The following NCOA7 variants were observed in gnomAD, a reference collection of about 807,000 sequenced individuals.
NCOA7 encodes the protein 140 kDa estrogen receptor-associated protein.
A neutral mutation model predicts 104.3 loss-of-function variants in NCOA7; 45 were observed. That is an observed-to-expected ratio of 0.43 (90% CI 0.34 to 0.55). NCOA7 has a LOEUF of 0.55. Ranked by LOEUF, NCOA7 falls within the 20% of genes least tolerant of loss-of-function variation. The pLI is 0.02. For missense variants in NCOA7, 1,041 were observed against 1,119.7 expected (o/e 0.93, Z 1.00); for synonymous variants, 398 against 402.3 (o/e 0.99, Z 0.13).
chr6:125,849,863 C>T (rs528462036), intron 2 of NCOA7, among the ~76,000 whole-genome samples: 1 of 152,096 alleles, frequency 6.6e-6, no homozygotes, highest in Non-Finnish European at 1.5e-5. Context: ...CATTATTTTT[C>T]AGTCACTCAT....
chr6:125,804,110 A>C (rs1776184797), intron 1 of NCOA7, among the ~76,000 whole-genome samples: 1 of 152,212 alleles, frequency 6.6e-6, no homozygotes, highest in African/African-American at 2.4e-5. Flanking sequence ...GTTCTGTACC[A>C]GTCTAGAGAC....
chr6:125,904,430 G>A (rs978138394), intron 10 of NCOA7, among the ~76,000 whole-genome samples: 2 of 152,104 alleles, frequency 1.3e-5, no homozygotes, highest in African/African-American at 4.8e-5. Flanking sequence ...GTGATCTGAT[G>A]GCATTGTCCT....
chr6:125,839,234 C>T (rs760752867), intron 2 of NCOA7, among the ~76,000 whole-genome samples: 7 of 152,182 alleles, frequency 4.6e-5, no homozygotes, highest in Non-Finnish European at 1.0e-4. Context: ...TCTCCTGCCT[C>T]AGCCTCCCAA....
chr6:125,890,757 G>A lies in NCOA7; in HGVS notation c.2043G>A (p.Gln681=). The A allele has an allele frequency of 6.2e-7, 1 of 1,613,422 alleles. No individual in the cohort carries two copies. The highest frequency in any genetic ancestry group is 8.5e-7 in the Non-Finnish European group (1 of 1,179,714). Residue 681 remains glutamine, a synonymous_variant, in exon 10 of 16, where the codon CAG becomes CAA. Coordinates refer to ENST00000392477, the MANE Select transcript of NCOA7 (RefSeq NM_181782.5). ...FATHTAAMVQ[Q]YGKRRKQPEY... is the part of the protein sequence containing the mutation. ...CTCACACTGCAGCCATGGTCCAGCAGTACGGCAAACGGAGAAAGCAGCCAG... is the reference window on the plus strand; with the variant it reads ...CTCACACTGCAGCCATGGTCCAGCAATACGGCAAACGGAGAAAGCAGCCAG...
intron 10 of NCOA7, among the ~76,000 whole-genome samples, chr6:125,904,821 G>A (rs1785825153): frequency 6.6e-6 from 1 of 152,174 alleles, no homozygotes; most frequent in South Asian, 2.1e-4. Context: ...AGGCAGTTAG[G>A]TGAAATGCTC....
At chr6:125,826,628 A>G (rs1332008532) in intron 2 of NCOA7, among the ~76,000 whole-genome samples, 3 of 152,198 alleles carry the variant, frequency 2.0e-5, no homozygotes, top group African/African-American at 7.2e-5. Context: ...CATCTCAGAG[A>G]GACCTTATGT....
intron 1 of NCOA7, among the ~76,000 whole-genome samples, chr6:125,793,114 A>G (rs966810473): frequency 6.6e-6 from 1 of 152,226 alleles, no homozygotes; most frequent in African/African-American, 2.4e-5. Flanking sequence ...ATAAAAGTTA[A>G]TAAGACTGCA....
intron 2 of NCOA7, among the ~76,000 whole-genome samples, chr6:125,842,283 G>T (rs1374445517): frequency 6.6e-6 from 1 of 152,158 alleles, no homozygotes; most frequent in Non-Finnish European, 1.5e-5. Flanking sequence ...GTTAAAATTG[G>T]ATGACAGAGT....
chr6:125,885,288 T>G lies in NCOA7; in HGVS notation c.829T>G (p.Ser277Ala). ...CATCTGCCCCATGGAAGAGGTTGTT[T>G]CCATTGCGCTCTACAATGACATTTC... ...GLICPMEEVV[S>A]IALYNDISHM... is the part of the protein sequence containing the mutation. Residue 277 changes from serine (S) to alanine (A), a missense_variant, in exon 8 of 16, where the codon TCC (serine) becomes GCC (alanine). By Grantham distance (99) the Ser-to-Ala change is moderately conservative (BLOSUM62 1). Transcript: ENST00000392477. The G allele has an allele frequency of 6.2e-7, 1 of 1,614,022 alleles. No homozygotes were observed. Among genetic ancestry groups the G allele is most frequent in the South Asian group, 1.1e-5 (1 of 91,076 alleles).
intron 1 of NCOA7, among the ~76,000 whole-genome samples, chr6:125,809,370 A>T (rs1321473747): frequency 6.6e-6 from 1 of 151,980 alleles, no homozygotes; most frequent in African/African-American, 2.4e-5. Context: ...TTTAGTAGAG[A>T]TGGAGTTTTG....
At chr6:125,813,521 G>A (rs1200659545) in intron 1 of NCOA7, among the ~76,000 whole-genome samples, 1 of 150,368 alleles carries the variant, frequency 6.7e-6, no homozygotes, top group South Asian at 2.1e-4. Context: ...GAGTGGTCTC[G>A]GCTCACTGCA....
At chr6:125,841,518 T>C (rs1583347098) in intron 2 of NCOA7, among the ~76,000 whole-genome samples, 1 of 152,218 alleles carries the variant, frequency 6.6e-6, no homozygotes, top group African/African-American at 2.4e-5. Context: ...AGGTGGCCAT[T>C]GTTGGATTTT....
chr6:125,909,256 T>A (rs1468501287), intron 10 of NCOA7, among the ~76,000 whole-genome samples: 2 of 152,212 alleles, frequency 1.3e-5, no homozygotes, highest in Non-Finnish European at 2.9e-5. Flanking sequence ...GTGATCCTGA[T>A]GTTTTCATTC....
At chr6:125,804,712 A>C (rs1235029890) in intron 1 of NCOA7, among the ~76,000 whole-genome samples, 1 of 152,234 alleles carries the variant, frequency 6.6e-6, no homozygotes, top group Non-Finnish European at 1.5e-5. Context: ...TTAATTCTAA[A>C]AATGAGCTAT....
chr6:125,821,815 A>G (rs1332079094), intron 2 of NCOA7, among the ~76,000 whole-genome samples: 3 of 152,244 alleles, frequency 2.0e-5, no homozygotes, highest in South Asian at 4.1e-4. Flanking sequence ...GCAGTTGCCC[A>G]TGATAGAAAT....
chr6:125,797,273 A>C (rs185164629), intron 1 of NCOA7, among the ~76,000 whole-genome samples: 60 of 152,352 alleles, frequency 3.9e-4, no homozygotes, highest in Admixed American at 3.8e-3. Flanking sequence ...ACTCCTAAGT[A>C]GGTGAATGAA....
In NCOA7 at chr6:125,887,367, G is replaced by A. The variant is rs561382613; in HGVS notation, c.885-1572G>A. 1.0e-3 allele frequency among the ~76,000 whole-genome samples: 156 copies of A among 152,286 alleles called. 1 individual carries two copies. The highest frequency in any genetic ancestry group is 3.4e-3 in the African/African-American group (143 of 41,550). ...CACTAACTTGTTTGACTCTAGGATGGAAGCATTTTTGACATCTCCTGGGAT... is the reference window on the plus strand; with the variant it reads ...CACTAACTTGTTTGACTCTAGGATGAAAGCATTTTTGACATCTCCTGGGAT... On this transcript the variant is annotated intron_variant, in intron 8 of 15. Coordinates refer to ENST00000392477, the MANE Select transcript of NCOA7 (RefSeq NM_181782.5).
At chr6:125,799,625 A>T (rs1055601014) in intron 1 of NCOA7, among the ~76,000 whole-genome samples, 6 of 152,052 alleles carry the variant, frequency 3.9e-5, no homozygotes, top group African/African-American at 1.2e-4. Flanking sequence ...TATTTTTAGT[A>T]GAGACGGGGT....
rs913107676 is a variant in NCOA7 at position 125,890,719 on chromosome 6, A to C, written c.2005A>C (p.Lys669Gln). ...CATCAAAGTGGGAAAACCAATGAGA[A>C]AATCCTTTGCCACTCACACTGCAGC... is the stretch of plus-strand genomic sequence containing the variant. ...LCIKVGKPMRKSFATHTAAMV... is the reference protein window; with the variant it reads ...LCIKVGKPMRQSFATHTAAMV... The change falls in exon 10 of 16, where the codon AAA (lysine) becomes CAA (glutamine). Residue 669 changes from lysine (K) to glutamine (Q), a missense_variant. Physicochemically the swap from Lys to Gln is moderately conservative, Grantham distance 53. Transcript: ENST00000392477. The C allele has an allele frequency of 4.3e-6, 7 of 1,613,906 alleles. No homozygotes were observed. Among genetic ancestry groups the C allele is most frequent in the Non-Finnish European group, 5.9e-6 (7 of 1,179,912 alleles).
Sources: gnomAD v4.1 joint callset for allele counts (sites outside exome capture counted in the v4.1 genomes callset) on GRCh38, gnomAD v4.1.1 for gene constraint, MANE v1.5 for transcripts, NCBI Gene and HGNC (gene_info 2026-07-23, HGNC 2026-07-21) for gene names.